ADAMTSL1: variants seen among roughly 807,000 people sequenced by gnomAD.
The protein encoded by ADAMTSL1 is ADAMTS like 1.
Under a neutral mutation model 201.8 loss-of-function variants are expected in ADAMTSL1, and 126 were observed. The ratio of observed to expected loss-of-function variants is 0.62; its 90% CI spans 0.54 to 0.72. ADAMTSL1 has a LOEUF of 0.72. Ranked by LOEUF, ADAMTSL1 falls within the 30% of genes least tolerant of loss-of-function variation. The pLI is 0.00. For synonymous variants in ADAMTSL1, 1,121 were observed against 903.4 expected (o/e 1.24, Z -4.32); for missense variants, 2,679 against 2,277.8 (o/e 1.18, Z -3.59).
At chr9:18,802,674 G>A (rs556686033) in intron 20 of ADAMTSL1, among the ~76,000 whole-genome samples, 8 of 152,120 alleles carry the variant, frequency 5.3e-5, no homozygotes, top group Non-Finnish European at 8.8e-5. Context: ...GAAGATTCAC[G>A]TACATGTTTT....
chr9:18,559,712 G>T (rs948660529), intron 3 of ADAMTSL1, among the ~76,000 whole-genome samples: 3 of 152,114 alleles, frequency 2.0e-5, no homozygotes, highest in African/African-American at 7.2e-5. Context: ...TCTCTTTGAA[G>T]AGGTTCTTCA....
intron 1 of ADAMTSL1, among the ~76,000 whole-genome samples, chr9:18,107,559 T>C (rs980203992): frequency 6.6e-6 from 1 of 152,180 alleles, no homozygotes; most frequent in African/African-American, 2.4e-5. Flanking sequence ...CATGATTTTT[T>C]TTTATAGCCA....
At chr9:18,310,954 C>T (rs377499350) in intron 2 of ADAMTSL1, among the ~76,000 whole-genome samples, 2 of 152,084 alleles carry the variant, frequency 1.3e-5, no homozygotes, top group South Asian at 4.2e-4. Context: ...GGAACCAACC[C>T]AAATGCCCAT....
At chr9:18,653,157 G>A (rs929778300) in intron 7 of ADAMTSL1, among the ~76,000 whole-genome samples, 1 of 152,154 alleles carries the variant, frequency 6.6e-6, no homozygotes, top group African/African-American at 2.4e-5. Context: ...CACACAGCTA[G>A]GTTTAGGATG....
chr9:18,585,274 TTCTA>T (rs1318148503), intron 4 of ADAMTSL1, among the ~76,000 whole-genome samples: 4 of 152,206 alleles, frequency 2.6e-5, no homozygotes, highest in Admixed American at 6.5e-5. Flanking sequence ...TTTTGGAAAG[TTCTA>T]TCTGTTTAAT....
At chr9:18,245,397 G>A (rs369919716) in intron 2 of ADAMTSL1, among the ~76,000 whole-genome samples, 4 of 152,048 alleles carry the variant, frequency 2.6e-5, no homozygotes, top group South Asian at 2.1e-4. Flanking sequence ...TACAGCATAC[G>A]TCAGTTTGGA....
intron 1 of ADAMTSL1, among the ~76,000 whole-genome samples, chr9:18,479,425 T>TATC (rs2131798029): frequency 6.6e-6 from 1 of 152,346 alleles, no homozygotes; most frequent in South Asian, 2.1e-4. Context: ...AAATATATTT[T>TATC]ATCTCATGAA....
chr9:18,776,816 A>G lies in ADAMTSL1; in HGVS notation c.2587A>G (p.Ile863Val), dbSNP rs1334880207. 6.4e-7 allele frequency: 1 copy of G among 1,569,246 alleles called. No homozygotes were observed. The highest frequency in any genetic ancestry group is 8.6e-7 in the Non-Finnish European group (1 of 1,157,644). ...GCCATCCACGAAGCACAGCCCGCAC[A>G]TCGCGGCCGCCAGGAAGGTCTACAT... ...GRPSTKHSPH[I>V]AAARKVYIQT... is the part of the protein sequence containing the mutation. The change falls in exon 19 of 29, where the codon ATC becomes GTC. Residue 863 changes from isoleucine to valine, a missense_variant. By Grantham distance (29) the Ile-to-Val change is conservative. Transcript: ENST00000380548.
chr9:18,198,451 C>T (rs1472494131), intron 2 of ADAMTSL1, among the ~76,000 whole-genome samples: 14 of 149,646 alleles, frequency 9.4e-5, no homozygotes, highest in African/African-American at 2.7e-4. Flanking sequence ...GGGCGAAGGA[C>T]ATGAACAGAC....
intron 17 of ADAMTSL1, among the ~76,000 whole-genome samples, chr9:18,772,440 G>T (rs769319216): frequency 6.6e-6 from 1 of 152,096 alleles, no homozygotes; most frequent in Non-Finnish European, 1.5e-5. Flanking sequence ...GGTCCCATTG[G>T]TCCCATTAAG....
chr9:18,208,038 G>A (rs1829725308), intron 2 of ADAMTSL1, among the ~76,000 whole-genome samples: 1 of 152,160 alleles, frequency 6.6e-6, no homozygotes. Flanking sequence ...TGGATAAACT[G>A]ATGAACCACT....
At chr9:18,518,363 C>T (rs1818488992) in intron 2 of ADAMTSL1, among the ~76,000 whole-genome samples, 1 of 152,050 alleles carries the variant, frequency 6.6e-6, no homozygotes, top group African/African-American at 2.4e-5. Flanking sequence ...CATGTGTACG[C>T]ATTGTTTAGC....
At chr9:18,575,105 A>G (rs2132369090) in intron 4 of ADAMTSL1, among the ~76,000 whole-genome samples, 1 of 152,282 alleles carries the variant, frequency 6.6e-6, no homozygotes, top group East Asian at 1.9e-4. Flanking sequence ...TTCTCTCTTC[A>G]GAATGTATAA....
chr9:18,409,713 A>G (rs1013452144), intron 2 of ADAMTSL1, among the ~76,000 whole-genome samples: 4 of 150,674 alleles, frequency 2.7e-5, no homozygotes, highest in African/African-American at 9.7e-5. Context: ...CAGCCATAAC[A>G]TGTATGTATG....
chr9:18,314,782 CTT>C (rs776046209), intron 2 of ADAMTSL1, among the ~76,000 whole-genome samples: 853 of 49,752 alleles, frequency 0.017, 61 homozygotes, highest in African/African-American at 0.067. Flanking sequence ...CGGCAGCGTG[CTT>C]TTTTTTTTTT....
At chr9:18,107,212 G>C (rs1192918851) in intron 1 of ADAMTSL1, among the ~76,000 whole-genome samples, 2 of 152,124 alleles carry the variant, frequency 1.3e-5, no homozygotes, top group African/African-American at 4.8e-5. Context: ...AGATAGAAGT[G>C]GTCCACATCT....
At chr9:18,003,402 T>G (rs542383918) in intron 1 of ADAMTSL1, among the ~76,000 whole-genome samples, 1 of 152,126 alleles carries the variant, frequency 6.6e-6, no homozygotes, top group Admixed American at 6.5e-5. Flanking sequence ...AGTGCTCCAT[T>G]TGTTTCTGTG....
At chr9:18,346,761 G>A (rs1468516025) in intron 2 of ADAMTSL1, among the ~76,000 whole-genome samples, 1 of 152,114 alleles carries the variant, frequency 6.6e-6, no homozygotes, top group African/African-American at 2.4e-5. Flanking sequence ...TAATTAACAA[G>A]AAAACAGAGG....
intron 2 of ADAMTSL1, among the ~76,000 whole-genome samples, chr9:18,447,989 C>G (rs2131660624): frequency 6.6e-6 from 1 of 152,216 alleles, no homozygotes; most frequent in East Asian, 1.9e-4. Context: ...TCAAGACCAC[C>G]AAAACAAGAG....
Sources: gnomAD v4.1 joint callset for allele counts (sites outside exome capture counted in the v4.1 genomes callset) on GRCh38, gnomAD v4.1.1 for gene constraint, MANE v1.5 for transcripts, NCBI Gene and HGNC (gene_info 2026-07-23, HGNC 2026-07-21) for gene names.